ZFHX3: variants seen among roughly 807,000 people sequenced by gnomAD.
ZFHX3 encodes zinc finger homeobox protein 3.
In ZFHX3, 42 loss-of-function variants were observed where a neutral mutation model predicts 279.1. The ratio of observed to expected loss-of-function variants is 0.15; its 90% CI spans 0.12 to 0.19. The LOEUF (loss-of-function observed/expected upper bound fraction) is 0.19, where lower values mean the gene tolerates loss of function less well. Ranked by LOEUF, ZFHX3 falls within the 10% of genes least tolerant of loss-of-function variation. The probability of loss-of-function intolerance (pLI) is 1.00; values close to 1 mark genes in which losing one functional copy is unlikely to be tolerated. For synonymous variants in ZFHX3, 2,293 were observed against 1,957.8 expected (o/e 1.17, Z -4.52); for missense variants, 4,981 against 4,754.0 (o/e 1.05, Z -1.40).
At chr16:73,585,690 T>C (rs921205572) in intron 2 of ZFHX3, among the ~76,000 whole-genome samples, 14 of 152,130 alleles carry the variant, frequency 9.2e-5, no homozygotes, top group Non-Finnish European at 1.8e-4. Flanking sequence ...ACTATGTGTG[T>C]GAAACTAAAG....
chr16:73,429,772 T>C (rs1288211917), intron 3 of ZFHX3, among the ~76,000 whole-genome samples: 1 of 152,220 alleles, frequency 6.6e-6, no homozygotes, highest in East Asian at 1.9e-4. Flanking sequence ...CTCTCTAGTC[T>C]GGTTGTCCCT....
intron 4 of ZFHX3, among the ~76,000 whole-genome samples, chr16:72,872,055 C>T (rs1382894577): frequency 6.6e-6 from 1 of 151,922 alleles, no homozygotes; most frequent in African/African-American, 2.4e-5. Context: ...ACCGCACTTG[C>T]ACTCCAGCCT....
At chr16:72,875,820 A>G (rs921589014) in intron 4 of ZFHX3, among the ~76,000 whole-genome samples, 14 of 152,192 alleles carry the variant, frequency 9.2e-5, no homozygotes, top group Admixed American at 5.9e-4. Context: ...TTATCAGGTG[A>G]TGCAACAACC....
intron 2 of ZFHX3, among the ~76,000 whole-genome samples, chr16:73,496,952 C>T (rs2019151934): frequency 6.6e-6 from 1 of 152,168 alleles, no homozygotes; most frequent in Non-Finnish European, 1.5e-5. Context: ...AACAGGTAGC[C>T]CTGGTTTCTG....
At chr16:73,580,833 T>C (rs1214976348) in intron 2 of ZFHX3, among the ~76,000 whole-genome samples, 2 of 151,882 alleles carry the variant, frequency 1.3e-5, no homozygotes, top group Non-Finnish European at 2.9e-5. Context: ...TAGGAACCCA[T>C]TCATGTGTTT....
chr16:73,456,751 T>C (rs1261172584), intron 2 of ZFHX3, among the ~76,000 whole-genome samples: 1 of 152,248 alleles, frequency 6.6e-6, no homozygotes, highest in African/African-American at 2.4e-5. Flanking sequence ...ATGCACCTTC[T>C]ATCGGGATGG....
At chr16:73,028,223 A>T (rs1232788796) in intron 1 of ZFHX3, among the ~76,000 whole-genome samples, 2 of 152,196 alleles carry the variant, frequency 1.3e-5, no homozygotes, top group Non-Finnish European at 2.9e-5. Context: ...GTGGGAAAAC[A>T]TAAGCACCTC....
intron 1 of ZFHX3, among the ~76,000 whole-genome samples, chr16:73,788,526 T>C (rs1479375769): frequency 6.6e-6 from 1 of 152,140 alleles, no homozygotes; most frequent in Non-Finnish European, 1.5e-5. Flanking sequence ...ATTACTCTTG[T>C]GTGTTGTATG....
intron 1 of ZFHX3, chr16:73,058,473 G>T: frequency 5.6e-6 from 1 of 178,258 alleles, no homozygotes; most frequent in African/African-American, 2.4e-5. Flanking sequence ...GGAGGAGGAG[G>T]AGGAGCAGGC....
intron 1 of ZFHX3, among the ~76,000 whole-genome samples, chr16:73,726,067 T>C (rs77499358): frequency 0.015 from 2,294 of 152,304 alleles, 62 homozygotes; most frequent in African/African-American, 0.052. Flanking sequence ...CCCAAATGAT[T>C]AGCCATGGAG....
intron 3 of ZFHX3, among the ~76,000 whole-genome samples, chr16:73,391,878 A>G (rs1405220329): frequency 1.3e-5 from 2 of 152,316 alleles, no homozygotes; most frequent in Non-Finnish European, 1.5e-5. Flanking sequence ...GTATATGTCA[A>G]TGACAGAAGA....
At chr16:72,836,570 G>T (rs75820454) in intron 4 of ZFHX3, among the ~76,000 whole-genome samples, 5,031 of 152,120 alleles carry the variant, frequency 0.033, 607 homozygotes, top group East Asian at 0.28. Context: ...TCTTAGTAAA[G>T]GTGACTGCAT....
intron 5 of ZFHX3, among the ~76,000 whole-genome samples, chr16:73,193,115 T>C (rs538170759): frequency 6.6e-6 from 1 of 152,314 alleles, no homozygotes; most frequent in South Asian, 2.1e-4. Flanking sequence ...GCACGTGGAA[T>C]TCCTGCTTTT....
intron 2 of ZFHX3, among the ~76,000 whole-genome samples, chr16:73,588,076 A>C (rs8054773): frequency 0.13 from 19,264 of 152,158 alleles, 2,546 homozygotes; most frequent in African/African-American, 0.33. Context: ...CATGCAGTTA[A>C]ACTAAAAATC....
At chr16:72,826,725 G>T (rs1406676624) in intron 5 of ZFHX3, among the ~76,000 whole-genome samples, 4 of 152,332 alleles carry the variant, frequency 2.6e-5, no homozygotes, top group Non-Finnish European at 5.9e-5. Flanking sequence ...CTGGCAAGGT[G>T]CATCTCTGAG....
At chr16:73,304,565 A>T (rs1222712313) in intron 4 of ZFHX3, among the ~76,000 whole-genome samples, 1 of 152,126 alleles carries the variant, frequency 6.6e-6, no homozygotes. Flanking sequence ...CTAAAATATG[A>T]GCGCATGCTC....
chr16:73,573,501 A>G (rs536882491), intron 2 of ZFHX3, among the ~76,000 whole-genome samples: 1 of 152,372 alleles, frequency 6.6e-6, no homozygotes, highest in African/African-American at 2.4e-5. Flanking sequence ...TGCTTAGAAT[A>G]GAAGATGGGA....
At chr16:72,858,632 T>C (rs1409868031) in intron 4 of ZFHX3, among the ~76,000 whole-genome samples, 2 of 152,234 alleles carry the variant, frequency 1.3e-5, no homozygotes, top group African/African-American at 2.4e-5. Context: ...AGACTGCTCA[T>C]AGCTTAGCAA....
At chr16:73,163,945 G>A (rs1217481340) in intron 5 of ZFHX3, among the ~76,000 whole-genome samples, 1 of 152,082 alleles carries the variant, frequency 6.6e-6, no homozygotes, top group African/African-American at 2.4e-5. Context: ...AGTCTTGTGA[G>A]GTAGGCAGGG....
Sources: allele counts gnomAD v4.1 joint callset (sites outside exome capture counted in the v4.1 genomes callset), GRCh38; gene constraint gnomAD v4.1.1; transcripts MANE v1.5; gene names NCBI Gene and HGNC (gene_info 2026-07-23, HGNC 2026-07-21).